Variants in ZFHX3 observed in about 807,000 individuals in gnomAD.
The protein encoded by ZFHX3 is zinc finger homeobox protein 3.
ZFHX3 carries 42 observed loss-of-function variants against 279.1 expected under a neutral mutation model. The observed-to-expected ratio is 0.15, with a 90% CI of 0.12 to 0.19. The LOEUF (loss-of-function observed/expected upper bound fraction) is 0.19. ZFHX3 is among the 10% of genes least tolerant of loss of function. The pLI, the probability that ZFHX3 is intolerant of heterozygous loss-of-function variation, is 1.00. For synonymous variants in ZFHX3, 2,293 were observed against 1,957.8 expected, an observed-to-expected ratio of 1.17 and a Z score of -4.52; for missense variants, 4,981 against 4,754.0, an observed-to-expected ratio of 1.05 and a Z score of -1.40.
intron 1 of ZFHX3, among the ~76,000 whole-genome samples, chr16:73,799,508 G>A (rs998643037): frequency 6.6e-6 from 1 of 152,162 alleles, no homozygotes; most frequent in African/African-American, 2.4e-5. Context: ...GAAGAGAGAT[G>A]CTTGCTGCAC....
intron 7 of ZFHX3, among the ~76,000 whole-genome samples, chr16:72,810,820 T>G (rs1331544362): frequency 6.6e-6 from 1 of 152,212 alleles, no homozygotes; most frequent in Admixed American, 6.5e-5. Flanking sequence ...ATCAAGTCAG[T>G]TAACATCTTT....
chr16:73,052,338 A>AG (rs1965467311), upstream of ZFHX3, among the ~76,000 whole-genome samples: 1 of 147,094 alleles, frequency 6.8e-6, no homozygotes, highest in Non-Finnish European at 1.5e-5. Context: ...GTTGGAGTTT[A>AG]TTTTTTTTTT....
chr16:73,001,720 T>C (rs1957885651), intron 1 of ZFHX3, among the ~76,000 whole-genome samples: 1 of 151,504 alleles, frequency 6.6e-6, no homozygotes, highest in Non-Finnish European at 1.5e-5. Context: ...TTCAGGAGGC[T>C]GAGGTGGAAG....
exon 1 of ZFHX3, chr16:73,891,869 T>A (rs1479897662): frequency 6.6e-6 from 1 of 151,850 alleles, no homozygotes; most frequent in Non-Finnish European, 1.5e-5. Context: ...CATCATGAAG[T>A]CCAGGGCTAC....
intron 6 of ZFHX3, among the ~76,000 whole-genome samples, chr16:73,135,695 T>TA (rs1966776526): frequency 1.3e-5 from 2 of 151,880 alleles, no homozygotes; most frequent in African/African-American, 4.8e-5. Flanking sequence ...TATTTCAGGT[T>TA]AAAAAAAATA....
At chr16:72,999,574 C>A (rs4556810) in intron 1 of ZFHX3, among the ~76,000 whole-genome samples, 61,125 of 152,044 alleles carry the variant, frequency 0.4, 13,824 homozygotes, top group Non-Finnish European at 0.52. Flanking sequence ...TCACAGCAAC[C>A]GCTAACCAGA....
At chr16:72,933,576 A>G (rs1482611255) in intron 3 of ZFHX3, among the ~76,000 whole-genome samples, 4 of 152,152 alleles carry the variant, frequency 2.6e-5, no homozygotes, top group East Asian at 1.9e-4. Context: ...TTATCCTGCT[A>G]TCAATGTGCC....
intron 4 of ZFHX3, among the ~76,000 whole-genome samples, chr16:73,301,978 C>T (rs566650902): frequency 4.6e-5 from 7 of 152,206 alleles, no homozygotes; most frequent in East Asian, 1.9e-4. Context: ...CACAAACCCA[C>T]GCAGGTGCGC....
intron 3 of ZFHX3, among the ~76,000 whole-genome samples, chr16:72,927,232 A>C (rs541104465): frequency 6.6e-6 from 1 of 152,286 alleles, no homozygotes; most frequent in South Asian, 2.1e-4. Context: ...GTAGTAAAAA[A>C]TTTTTATTTA....
intron 4 of ZFHX3, among the ~76,000 whole-genome samples, chr16:73,274,766 C>T (rs933143284): frequency 5.3e-5 from 8 of 152,228 alleles, no homozygotes. Flanking sequence ...TACCTCCTCC[C>T]TGAAGATTCC....
At chr16:73,089,341 T>TGATCCACGTAAAGTG (rs1966044918) in intron 8 of ZFHX3, among the ~76,000 whole-genome samples, 1 of 152,154 alleles carries the variant, frequency 6.6e-6, no homozygotes, top group South Asian at 2.1e-4. Flanking sequence ...TGACCTCAGG[T>TGATCCACGTAAAGTG]GATCCACGTA....
At chr16:73,494,826 C>T (rs2019113042) in intron 2 of ZFHX3, among the ~76,000 whole-genome samples, 1 of 152,036 alleles carries the variant, frequency 6.6e-6, no homozygotes, top group African/African-American at 2.4e-5. Flanking sequence ...CCTTGGCCTG[C>T]CAAAGTGCTG....
At chr16:73,191,019 C>A (rs1263126296) in intron 5 of ZFHX3, among the ~76,000 whole-genome samples, 1 of 151,828 alleles carries the variant, frequency 6.6e-6, no homozygotes, top group Non-Finnish European at 1.5e-5. Context: ...AAAAATGGGA[C>A]CAAATCCATG....
At chr16:73,111,754 G>C (rs563323373) in intron 7 of ZFHX3, among the ~76,000 whole-genome samples, 19 of 151,238 alleles carry the variant, frequency 1.3e-4, no homozygotes, top group Non-Finnish European at 1.9e-4. Flanking sequence ...GAGGAAGGAA[G>C]GGAGGAAGGG....
chr16:73,590,779 C>G (rs2051986349), intron 2 of ZFHX3, among the ~76,000 whole-genome samples: 1 of 152,158 alleles, frequency 6.6e-6, no homozygotes, highest in African/African-American at 2.4e-5. Flanking sequence ...ATTGCCATTT[C>G]ACAATCACTA....
rs771589873 is a variant in ZFHX3 at position 72,788,451 on chromosome 16, C to T, written c.9825G>A (p.Pro3275=). ...CTACCGCATACTCCATGGTGGGCAG[C>T]GGGGCTGAGATCGTGGCTGCAGTTG... ...PTATAATISA[P]LPTMEYAVDP... Residue 3275 remains proline (P), a synonymous_variant, in exon 10 of 10, where the codon CCG becomes CCA. Transcript: ENST00000268489. The T allele has an allele frequency of 9.3e-6, 15 of 1,614,102 alleles. No homozygotes were observed. The highest frequency in any genetic ancestry group is 2.2e-5 in the East Asian group (1 of 44,886).
intron 2 of ZFHX3, among the ~76,000 whole-genome samples, chr16:73,508,302 T>C (rs962606951): frequency 1.3e-5 from 2 of 152,162 alleles, no homozygotes; most frequent in Admixed American, 1.3e-4. Flanking sequence ...AGATCCAGTA[T>C]TGACTGCCCT....
chr16:72,867,774 ATTTTC>A (rs1567555148), intron 4 of ZFHX3, among the ~76,000 whole-genome samples: 1 of 151,738 alleles, frequency 6.6e-6, no homozygotes, highest in African/African-American at 2.4e-5. Context: ...CCCAGGCACT[ATTTTC>A]TTAAGGTGGC....
At chr16:73,348,029 G>C (rs1329806737) in intron 3 of ZFHX3, among the ~76,000 whole-genome samples, 1 of 152,182 alleles carries the variant, frequency 6.6e-6, no homozygotes, top group Non-Finnish European at 1.5e-5. Context: ...GAAAAAAGCA[G>C]CTTCACAAAT....
Sources: allele counts gnomAD v4.1 joint callset (sites outside exome capture counted in the v4.1 genomes callset), GRCh38; gene constraint gnomAD v4.1.1; transcripts MANE v1.5; gene names NCBI Gene and HGNC (gene_info 2026-07-23, HGNC 2026-07-21).